VEZT: variants seen among roughly 807,000 people sequenced by gnomAD.
The protein encoded by VEZT is vezatin.
In VEZT, 39 loss-of-function variants were observed where a neutral mutation model predicts 79.9. That is an observed-to-expected ratio of 0.49 (90% confidence interval 0.38 to 0.64). VEZT has a LOEUF of 0.64. VEZT is among the 30% of genes least tolerant of loss of function. The pLI is 0.00. For missense variants in VEZT, 837 were observed against 893.1 expected (o/e 0.94, Z 0.80); for synonymous variants, 325 against 327.6 (o/e 0.99, Z 0.09).
intron 7 of VEZT, among the ~76,000 whole-genome samples, chr12:95,280,825 A>G (rs2068901111): frequency 6.6e-6 from 1 of 152,198 alleles, no homozygotes; most frequent in Non-Finnish European, 1.5e-5. Flanking sequence ...AAATCATTGT[A>G]ATCATAAAAT....
At chr12:95,275,424 A>T (rs939605437) in intron 7 of VEZT, among the ~76,000 whole-genome samples, 6 of 152,148 alleles carry the variant, frequency 3.9e-5, no homozygotes, top group Admixed American at 3.3e-4. Flanking sequence ...ACATGGTGAA[A>T]CCCCACCTCT....
chr12:95,270,977 A>T (rs2066477942), intron 6 of VEZT, among the ~76,000 whole-genome samples: 1 of 152,192 alleles, frequency 6.6e-6, no homozygotes, highest in Non-Finnish European at 1.5e-5. Flanking sequence ...AGCACTGATA[A>T]ATATAATACT....
At position 95,282,399 on chromosome 12, in the gene VEZT, G is replaced by A. The variant is rs1269971093; in HGVS notation, c.1083G>A (p.Gly361=). The A allele has an allele frequency of 2.5e-6, 4 of 1,613,886 alleles. No individual in the cohort carries two copies. In the East Asian group the frequency reaches 6.7e-5, roughly 27 times the overall value. Residue 361 remains glycine (G), a synonymous_variant, in exon 8 of 12, where the codon GGG becomes GGA. Transcript: ENST00000436874. The stretch of plus-strand genomic sequence containing the variant: ...TTTCTACAGCCAATTCACCTCCTGG[G>A]CCCTTACTTACTCCAGCACTTCTGC... ...LLLSTANSPP[G]PLLTPALLPH...
intron 7 of VEZT, 94 bp from the exon 8 acceptor site, chr12:95,282,219 T>G: frequency 8.3e-7 from 1 of 1,198,014 alleles, no homozygotes; most frequent in Non-Finnish European, 1.1e-6. Context: ...AGTGCAAAAT[T>G]TAAACCAGAA....
In VEZT at chr12:95,294,014, A is replaced by G. The variant is rs1377286820; in HGVS notation, c.1523-258A>G. On this transcript the variant is annotated intron_variant, in intron 9 of 11. Coordinates refer to ENST00000436874, the MANE Select transcript of VEZT (RefSeq NM_017599.4). ...AGCGATCCTTCCACCTCAGCCTCCC[A>G]AGTAGCTGGGATTACAGGTGTGCAC... The G allele has an allele frequency of 7.3e-5, 26 of 355,740 alleles. 1 individual carries two copies. The highest frequency in any genetic ancestry group is 5.2e-4 in the South Asian group (21 of 40,090). 22.0% of individuals were successfully genotyped at this position (355,740 alleles called of 1,614,324 possible). A position where few individuals can be genotyped will look rare whatever the true frequency, so the allele number is the denominator to read the frequency against.
intron 1 of VEZT, among the ~76,000 whole-genome samples, chr12:95,229,994 A>G (rs1267459665): frequency 6.6e-6 from 1 of 151,732 alleles, no homozygotes; most frequent in Non-Finnish European, 1.5e-5. Flanking sequence ...AATCCCAGCT[A>G]CTCGGGAGGC....
chr12:95,287,621 T>A (rs1265347909), intron 8 of VEZT, 43 bp from the exon 9 acceptor site: 2 of 1,409,214 alleles, frequency 1.4e-6, no homozygotes, highest in Non-Finnish European at 1.9e-6. Flanking sequence ...AATTTTTCAT[T>A]TCATATTATA....
chr12:95,223,982 G>A (rs10507048), intron 1 of VEZT, among the ~76,000 whole-genome samples: 29,069 of 152,010 alleles, frequency 0.19, 3,205 homozygotes, highest in Non-Finnish European at 0.26. Context: ...GTTGTATCAC[G>A]AAAGTTTTGA....
At chr12:95,239,159 AT>A (rs779462355) in intron 1 of VEZT, among the ~76,000 whole-genome samples, 1 of 152,208 alleles carries the variant, frequency 6.6e-6, no homozygotes, top group Non-Finnish European at 1.5e-5. Flanking sequence ...AAACAAAGTT[AT>A]TTCTCATTTT....
intron 1 of VEZT, among the ~76,000 whole-genome samples, chr12:95,235,862 G>C (rs2060071294): frequency 6.6e-6 from 1 of 152,008 alleles, no homozygotes; most frequent in South Asian, 2.1e-4. Context: ...TCCCAGACGG[G>C]GTGGCAGGGC....
At chr12:95,279,767 A>G (rs990336705) in intron 7 of VEZT, among the ~76,000 whole-genome samples, 2 of 152,086 alleles carry the variant, frequency 1.3e-5, no homozygotes, top group African/African-American at 4.8e-5. Context: ...AATTTTTAAG[A>G]AAATATTTTG....
chr12:95,300,314 A>T lies in VEZT; in HGVS notation c.1981A>T (p.Thr661Ser), dbSNP rs1220036214. The T allele has an allele frequency of 1.2e-6, 2 of 1,610,014 alleles. No individual in the cohort carries two copies. Among genetic ancestry groups the T allele is most frequent in the Non-Finnish European group, 1.7e-6 (2 of 1,178,012 alleles). Residue 661 changes from threonine to serine, a missense_variant, in exon 12 of 12, where the codon ACT becomes TCT. Physicochemically the swap from Thr to Ser is moderately conservative, Grantham distance 58. Transcript: ENST00000436874. ...SATTDNEISR[T>S]EYLCENSLEG... ...CACAACAGACAATGAAATAAGTAGGACTGAGTATTTATGTGAAAACTCTCT... is the reference window on the plus strand; with the variant it reads ...CACAACAGACAATGAAATAAGTAGGTCTGAGTATTTATGTGAAAACTCTCT...
chr12:95,270,523 A>G (rs1593768320), intron 6 of VEZT, among the ~76,000 whole-genome samples: 1 of 152,206 alleles, frequency 6.6e-6, no homozygotes, highest in Non-Finnish European at 1.5e-5. Flanking sequence ...GATTTGCATC[A>G]TGGCATGTTA....
Position 95,282,408 on chromosome 12 carries a change from T to TA in VEZT, c.1093dup (p.Thr365AsnfsTer12), listed in dbSNP as rs1181757547. ...CCAATTCACCTCCTGGGCCCTTACT[T>TA]ACTCCAGCACTTCTGCCTCATCGTA... On this transcript the variant is annotated frameshift_variant, in exon 8 of 12. Coordinates refer to ENST00000436874, the MANE Select transcript of VEZT (RefSeq NM_017599.4). LOFTEE classifies it high-confidence loss of function. 1 of 1,613,996 alleles carries TA rather than the reference T, an allele frequency of 6.2e-7. No homozygotes were observed. Among genetic ancestry groups the TA allele is most frequent in the Non-Finnish European group, 8.5e-7 (1 of 1,179,878 alleles).
At chr12:95,284,208 G>A (rs1220202889) in intron 8 of VEZT, among the ~76,000 whole-genome samples, 1 of 152,186 alleles carries the variant, frequency 6.6e-6, no homozygotes, top group East Asian at 1.9e-4. Flanking sequence ...ATTTTCACTA[G>A]AAAGTACACC....
intron 1 of VEZT, among the ~76,000 whole-genome samples, chr12:95,235,561 C>T (rs2059980799): frequency 6.9e-6 from 1 of 145,662 alleles, no homozygotes; most frequent in Non-Finnish European, 1.5e-5. Context: ...CGACCTCCCT[C>T]CCGGACGGGG....
chr12:95,266,811 T>G (rs1010720047), intron 5 of VEZT, among the ~76,000 whole-genome samples, 179 bp downstream of exon 5: 3 of 152,218 alleles, frequency 2.0e-5, no homozygotes, highest in African/African-American at 7.2e-5. Context: ...ATGTGCTAGA[T>G]TTAATATGTA....
At chr12:95,289,931 A>C (rs1372250997) in intron 9 of VEZT, among the ~76,000 whole-genome samples, 1 of 152,156 alleles carries the variant, frequency 6.6e-6, no homozygotes, top group African/African-American at 2.4e-5. Context: ...TGTTACTCTG[A>C]GCCATTTGAG....
chr12:95,244,716 T>C (rs113904019), intron 1 of VEZT, among the ~76,000 whole-genome samples: 3 of 151,674 alleles, frequency 2.0e-5, no homozygotes, highest in African/African-American at 7.3e-5. Flanking sequence ...CTCAGTCTCC[T>C]GCCTCTCACC....
Sources: allele counts gnomAD v4.1 joint callset (sites outside exome capture counted in the v4.1 genomes callset), GRCh38; gene constraint gnomAD v4.1.1; transcripts MANE v1.5; gene names NCBI Gene and HGNC (gene_info 2026-07-23, HGNC 2026-07-21).